The following REEP5 variants were observed in gnomAD, a reference collection of about 807,000 sequenced individuals.
REEP5 encodes the protein receptor expression-enhancing protein 5.
In REEP5, 24 loss-of-function variants were observed where a neutral mutation model predicts 22.4. The ratio of observed to expected loss-of-function variants is 1.07; its 90% CI spans 0.78 to 1.51. The LOEUF (loss-of-function observed/expected upper bound fraction) is 1.51. Among genes scored for constraint, REEP5 ranks in the 40% most tolerant of loss-of-function variants. REEP5 has a pLI of 0.00. For synonymous variants in REEP5, 103 were observed against 88.6 expected (o/e 1.16, Z -0.92); for missense variants, 252 against 233.0 (o/e 1.08, Z -0.53).
At chr5:112,918,882 G>A (rs75330917) in intron 2 of REEP5, among the ~76,000 whole-genome samples, 2 of 152,028 alleles carry the variant, frequency 1.3e-5, no homozygotes, top group East Asian at 1.9e-4. Flanking sequence ...CATTCCTCAG[G>A]TCTTCTCTAC....
At chr5:112,915,440 G>T (rs533825178) in intron 2 of REEP5, among the ~76,000 whole-genome samples, 3 of 152,280 alleles carry the variant, frequency 2.0e-5, no homozygotes, top group African/African-American at 7.2e-5. Flanking sequence ...TTGTTATAAG[G>T]ATATTTTTAT....
At chr5:112,921,409 C>T in intron 1 of REEP5, 153 bp from the exon 2 acceptor site, 1 of 715,734 alleles carries the variant, frequency 1.4e-6, no homozygotes, top group Non-Finnish European at 2.4e-6. Flanking sequence ...GAAAGCTGGG[C>T]CTGCGCGTCC....
In REEP5 at chr5:112,902,365, G is replaced by C; in HGVS notation, c.351+15C>G. On this transcript the variant is annotated intron_variant, in intron 3 of 4. Coordinates refer to ENST00000379638, the MANE Select transcript of REEP5 (RefSeq NM_005669.5). The stretch of plus-strand genomic sequence containing the variant: ...GTACTGAGATGGAGTTTTAGTGGTA[G>C]CAAGACCAACATACCTTCAGCATGT... The C allele has an allele frequency of 6.3e-7, 1 of 1,599,882 alleles. No homozygotes were observed. Among genetic ancestry groups the C allele is most frequent in the Non-Finnish European group, 8.5e-7 (1 of 1,174,890 alleles).
At chr5:112,892,782 G>A (rs1352665688) in intron 3 of REEP5, 1 of 1,613,940 alleles carries the variant, frequency 6.2e-7, no homozygotes, top group South Asian at 1.1e-5. Context: ...ACTACAGCAG[G>A]CAGCGGGGAA....
chr5:112,907,060 G>C (rs1027010888), intron 2 of REEP5, among the ~76,000 whole-genome samples: 14 of 152,214 alleles, frequency 9.2e-5, no homozygotes, highest in African/African-American at 3.4e-4. Context: ...AAGGATTCAA[G>C]ATAACAACAC....
In REEP5 at chr5:112,902,240, A is replaced by G. The variant is rs1166850401; in HGVS notation, c.351+140T>C. 5.9e-5 allele frequency: 49 copies of G among 833,290 alleles called. 1 individual carries two copies. The Admixed American group carries it at 1.7e-3, about 30-fold the overall frequency. The allele number at this position is 833,290 out of a possible 1,614,324, so 51.6% of individuals were successfully genotyped here. On this transcript the variant is annotated intron_variant, in intron 3 of 4. Transcript: ENST00000379638. ...TTTGTTTTTGTTTTTTTTGAGACAGAGTCTCGCTCTGTTGCCCAGGCCTGT... is the reference window on the plus strand; with the variant it reads ...TTTGTTTTTGTTTTTTTTGAGACAGGGTCTCGCTCTGTTGCCCAGGCCTGT...
At chr5:112,889,245 A>G (rs1444608219) in intron 3 of REEP5, among the ~76,000 whole-genome samples, 1 of 150,774 alleles carries the variant, frequency 6.6e-6, no homozygotes, top group African/African-American at 2.5e-5. Flanking sequence ...CAAAAACAAA[A>G]CAAAACCCAG....
intron 2 of REEP5, among the ~76,000 whole-genome samples, chr5:112,920,475 C>G (rs1404528760): frequency 6.6e-6 from 1 of 151,842 alleles, no homozygotes; most frequent in Non-Finnish European, 1.5e-5. Flanking sequence ...AAAATAAAAT[C>G]GTAGAATTAA....
At chr5:112,898,273 G>A (rs539379474) in intron 3 of REEP5, 1 of 152,304 alleles carries the variant, frequency 6.6e-6, no homozygotes, top group East Asian at 1.9e-4. Flanking sequence ...ACTAATGTAG[G>A]AAGAAAGTAT....
chr5:112,902,520 T>C lies in REEP5; in HGVS notation c.213-2A>G. 1 of 1,579,028 alleles carries C rather than the reference T, an allele frequency of 6.3e-7. No individual in the cohort carries two copies. The highest frequency in any genetic ancestry group is 1.2e-5 in the South Asian group (1 of 84,712). ...TTGGGACTCTCTATAGCTTTAATTC[T>C]GAAAGGCAGTACAAAAGAAAGTATA... is the stretch of plus-strand genomic sequence containing the variant. On this transcript the variant is annotated splice_acceptor_variant, in intron 2 of 4. Coordinates refer to ENST00000379638, the MANE Select transcript of REEP5 (RefSeq NM_005669.5). LOFTEE classifies it high-confidence loss of function.
intron 2 of REEP5, among the ~76,000 whole-genome samples, chr5:112,918,232 G>A (rs908209428): frequency 6.6e-6 from 1 of 152,156 alleles, no homozygotes; most frequent in African/African-American, 2.4e-5. Context: ...GGGAAATTAT[G>A]CACACGGAAA....
At chr5:112,919,717 G>C (rs115429630) in intron 2 of REEP5, among the ~76,000 whole-genome samples, 1 of 152,086 alleles carries the variant, frequency 6.6e-6, no homozygotes, top group Non-Finnish European at 1.5e-5. Flanking sequence ...AGCCCTCACC[G>C]GACACCAAAT....
chr5:112,908,941 T>G (rs940891532), intron 2 of REEP5, among the ~76,000 whole-genome samples: 23 of 151,260 alleles, frequency 1.5e-4, no homozygotes, highest in Admixed American at 1.2e-3. Flanking sequence ...TAAAAGGCCT[T>G]CAACACACAC....
At chr5:112,885,310 CAGCAA>C (rs1424686474) in intron 4 of REEP5, 2 of 173,686 alleles carry the variant, frequency 1.2e-5, no homozygotes, top group African/African-American at 4.8e-5. Flanking sequence ...TGACCTGAAA[CAGCAA>C]GTGGTAGATT....
intron 2 of REEP5, among the ~76,000 whole-genome samples, chr5:112,905,674 G>A (rs1459130315): frequency 6.6e-6 from 1 of 152,048 alleles, no homozygotes; most frequent in African/African-American, 2.4e-5. Context: ...AGGCTGGAGT[G>A]CAGTGGCATG....
At chr5:112,916,453 A>C (rs1204401716) in intron 2 of REEP5, among the ~76,000 whole-genome samples, 2 of 152,240 alleles carry the variant, frequency 1.3e-5, no homozygotes, top group Non-Finnish European at 2.9e-5. Flanking sequence ...CTCTGCTGTC[A>C]TAAGTCAAAG....
chr5:112,922,140 GTTC>G lies in REEP5; in HGVS notation c.48_50del (p.Lys16del). 2.5e-6 allele frequency: 4 copies of G among 1,607,556 alleles called. No homozygotes were observed. The highest frequency in any genetic ancestry group is 2.5e-6 in the Non-Finnish European group (3 of 1,177,138). On this transcript the variant is annotated inframe_deletion, in exon 1 of 5. Coordinates refer to ENST00000379638, the MANE Select transcript of REEP5 (RefSeq NM_005669.5). Reference sequence around the variant, plus strand: ...GCTTGGCCAGAAGGTCAGTCATGCAGTTCTTCTCGTGCAGGAACCGGTCGAACC... The same window carrying G: ...GCTTGGCCAGAAGGTCAGTCATGCAGTTCTCGTGCAGGAACCGGTCGAACC...
At chr5:112,883,784 C>A (rs1041765879) in intron 4 of REEP5, among the ~76,000 whole-genome samples, 2 of 152,136 alleles carry the variant, frequency 1.3e-5, no homozygotes, top group African/African-American at 2.4e-5. Flanking sequence ...TCCTCCCACC[C>A]ACCACAACCT....
At position 112,876,657 on chromosome 5, in the gene REEP5, C is replaced by G. The variant is rs1387615876; in HGVS notation, c.*2129G>C. The G allele has an allele frequency of 3.3e-5, 5 of 152,160 alleles. 1 individual carries two copies. The South Asian group carries it at 1.0e-3, about 32-fold the overall frequency. 9.4% of individuals were successfully genotyped at this position (152,160 alleles called of 1,614,324 possible). A position where few individuals can be genotyped will look rare whatever the true frequency, so the allele number is the denominator to read the frequency against. The stretch of plus-strand genomic sequence containing the variant: ...AACACTATTCACATTCAAATAAACG[C>G]TTGTTTTCTAGCCAGGCACAGGCTC... On this transcript the variant is annotated 3_prime_UTR_variant, in exon 5 of 5. Transcript: ENST00000379638.
Sources: allele counts gnomAD v4.1 joint callset (sites outside exome capture counted in the v4.1 genomes callset), GRCh38; gene constraint gnomAD v4.1.1; transcripts MANE v1.5; gene names NCBI Gene and HGNC (gene_info 2026-07-23, HGNC 2026-07-21).